Variants in AGBL1 observed in about 807,000 individuals in gnomAD.
AGBL1 encodes cytosolic carboxypeptidase 4.
Under a neutral mutation model 118.9 loss-of-function variants are expected in AGBL1, and 130 were observed. The ratio of observed to expected loss-of-function variants is 1.09; its 90% confidence interval spans 0.95 to 1.26. The LOEUF (loss-of-function observed/expected upper bound fraction) is 1.26. Ranked by LOEUF, AGBL1 falls within the 50% of genes most tolerant of loss-of-function variation. The pLI is 0.00. For synonymous variants in AGBL1, 555 were observed against 478.9 expected (o/e 1.16, Z -2.08); for missense variants, 1,584 against 1,298.1 (o/e 1.22, Z -3.38).
intron 1 of AGBL1, among the ~76,000 whole-genome samples, chr15:86,130,223 T>A (rs2076801985): frequency 6.6e-6 from 1 of 152,202 alleles, no homozygotes. Context: ...CTCCTGGGCA[T>A]GTTTCCAGCA....
chr15:86,967,040 T>C (rs2081062210), intron 23 of AGBL1, among the ~76,000 whole-genome samples: 2 of 152,184 alleles, frequency 1.3e-5, no homozygotes, highest in Admixed American at 6.6e-5. Flanking sequence ...AGATGGTATG[T>C]CGTTGTGGTT....
chr15:86,431,620 T>C (rs754489541), intron 18 of AGBL1, among the ~76,000 whole-genome samples: 11 of 152,242 alleles, frequency 7.2e-5, no homozygotes, highest in Admixed American at 2.0e-4. Flanking sequence ...TAAGCTTTTA[T>C]TTTACTTTTT....
At chr15:86,864,492 C>G (rs921586259) in intron 22 of AGBL1, among the ~76,000 whole-genome samples, 2 of 152,094 alleles carry the variant, frequency 1.3e-5, no homozygotes, top group African/African-American at 4.8e-5. Flanking sequence ...AATGGATATG[C>G]AGAGTTGAAG....
At chr15:86,845,198 G>A (rs1352330587) in intron 22 of AGBL1, among the ~76,000 whole-genome samples, 1 of 152,010 alleles carries the variant, frequency 6.6e-6, no homozygotes, top group Non-Finnish European at 1.5e-5. Context: ...AAGGTCTGTT[G>A]AGATTATGAT....
intron 21 of AGBL1, among the ~76,000 whole-genome samples, chr15:86,592,130 G>A (rs1026385810): frequency 2.0e-5 from 3 of 152,176 alleles, no homozygotes; most frequent in African/African-American, 7.2e-5. Context: ...TGGTTAAAGT[G>A]TTGTCTGCCA....
chr15:86,181,197 C>G (rs999098296), intron 5 of AGBL1, among the ~76,000 whole-genome samples: 5 of 152,028 alleles, frequency 3.3e-5, no homozygotes, highest in Non-Finnish European at 7.4e-5. Flanking sequence ...AGCATATATC[C>G]TTACAAAGAC....
At chr15:86,327,543 C>T (rs1184796390) in intron 17 of AGBL1, among the ~76,000 whole-genome samples, 1 of 152,158 alleles carries the variant, frequency 6.6e-6, no homozygotes, top group Non-Finnish European at 1.5e-5. Context: ...TGAAAGCCAC[C>T]TAAGAGACAA....
intron 22 of AGBL1, among the ~76,000 whole-genome samples, chr15:86,804,149 G>A (rs574250269): frequency 6.6e-5 from 10 of 152,110 alleles, no homozygotes; most frequent in Non-Finnish European, 1.3e-4. Flanking sequence ...AACATTAAGA[G>A]TAAATATGAA....
intron 18 of AGBL1, among the ~76,000 whole-genome samples, chr15:86,405,741 T>C (rs772611969): frequency 6.6e-6 from 1 of 152,000 alleles, no homozygotes; most frequent in Non-Finnish European, 1.5e-5. Flanking sequence ...AGATAATAGG[T>C]GTTTCAAAAA....
intron 22 of AGBL1, among the ~76,000 whole-genome samples, chr15:86,775,774 TA>T (rs1219004993): frequency 4.6e-5 from 7 of 152,292 alleles, no homozygotes; most frequent in African/African-American, 1.7e-4. Context: ...ATTTTATTTA[TA>T]AACATTTCAA....
At chr15:86,614,184 G>A (rs570545039) in intron 21 of AGBL1, among the ~76,000 whole-genome samples, 2 of 152,222 alleles carry the variant, frequency 1.3e-5, no homozygotes, top group African/African-American at 2.4e-5. Flanking sequence ...TATATGCATC[G>A]AGCTCTATGT....
intron 1 of AGBL1, among the ~76,000 whole-genome samples, chr15:86,130,706 C>A (rs551504471): frequency 2.6e-5 from 4 of 152,188 alleles, no homozygotes; most frequent in African/African-American, 9.6e-5. Context: ...TTTTTAGAAA[C>A]AAGATTTTCA....
intron 18 of AGBL1, among the ~76,000 whole-genome samples, chr15:86,451,741 T>C (rs1003469341): frequency 2.6e-5 from 4 of 152,122 alleles, no homozygotes; most frequent in Non-Finnish European, 5.9e-5. Context: ...GTCTCCCTTT[T>C]TCTCCAGGCC....
At chr15:86,674,582 C>A (rs766474803) in intron 22 of AGBL1, 146 bp downstream of exon 22, 1 of 789,110 alleles carries the variant, frequency 1.3e-6, no homozygotes, top group Non-Finnish European at 1.9e-6. Flanking sequence ...TACACTATCT[C>A]GTTTCCTACT....
chr15:86,579,630 G>A (rs2084146438), intron 21 of AGBL1, among the ~76,000 whole-genome samples: 1 of 152,168 alleles, frequency 6.6e-6, no homozygotes, highest in African/African-American at 2.4e-5. Context: ...AGGGGATGGA[G>A]TTTATTTCAG....
intron 5 of AGBL1, among the ~76,000 whole-genome samples, chr15:86,204,210 T>C (rs2077953114): frequency 6.6e-6 from 1 of 152,190 alleles, no homozygotes; most frequent in African/African-American, 2.4e-5. Context: ...CAATACTCAG[T>C]GGAGCCAAGA....
At chr15:86,506,088 G>T (rs1295997905) in intron 18 of AGBL1, among the ~76,000 whole-genome samples, 1 of 151,990 alleles carries the variant, frequency 6.6e-6, no homozygotes, top group Non-Finnish European at 1.5e-5. Flanking sequence ...CATAGCGTTT[G>T]CTAGGGAACC....
rs80326021 is a variant in AGBL1 at position 86,954,593 on chromosome 15, A to T, written c.3222-33394A>T. Reference sequence around the variant, plus strand: ...CTGTTCTCACTTTTAAGTGGGAGCTAAACATTGAGCACACCTGGACATAAA... The same window carrying T: ...CTGTTCTCACTTTTAAGTGGGAGCTTAACATTGAGCACACCTGGACATAAA... On this transcript the variant is annotated intron_variant, in intron 23 of 24. Transcript: ENST00000441037. Among the ~76,000 whole-genome samples, 210 of 152,294 alleles carry T rather than the reference A, an allele frequency of 1.4e-3. 1 individual carries two copies. Among genetic ancestry groups the T allele is most frequent in the African/African-American group, 4.8e-3 (201 of 41,570 alleles).
chr15:86,573,535 C>T (rs933682202), intron 21 of AGBL1, among the ~76,000 whole-genome samples: 5 of 152,180 alleles, frequency 3.3e-5, no homozygotes, highest in Non-Finnish European at 7.4e-5. Context: ...GAAAGTAGGG[C>T]AGGGTCAGGA....
Sources: gnomAD v4.1 joint callset for allele counts (sites outside exome capture counted in the v4.1 genomes callset) on GRCh38, gnomAD v4.1.1 for gene constraint, MANE v1.5 for transcripts, NCBI Gene and HGNC (gene_info 2026-07-23, HGNC 2026-07-21) for gene names.